Variants in NFIA observed in about 807,000 individuals in gnomAD.
NFIA encodes the protein nuclear factor 1 A-type.
NFIA carries 8 observed loss-of-function variants against 62.8 expected under a neutral mutation model. That is an observed-to-expected ratio of 0.13 (90% CI 0.07 to 0.23). The LOEUF (loss-of-function observed/expected upper bound fraction) is 0.23, where lower values mean the gene tolerates loss of function less well. NFIA is among the 10% of genes least tolerant of loss of function. The probability of loss-of-function intolerance (pLI) is 1.00; values close to 1 mark genes in which losing one functional copy is unlikely to be tolerated. For synonymous variants in NFIA, 235 were observed against 238.1 expected, an observed-to-expected ratio of 0.99 and a Z score of 0.12; for missense variants, 410 against 642.1, an observed-to-expected ratio of 0.64 and a Z score of 3.91.
intron 2 of NFIA, among the ~76,000 whole-genome samples, chr1:61,186,288 C>CTCAGTATCTCG: frequency 6.6e-6 from 1 of 152,122 alleles, no homozygotes; most frequent in East Asian, 1.9e-4. Context: ...CACTCAGAAC[C>CTCAGTATCTCG]TCTGTAAAAG....
At chr1:61,330,927 G>A (rs1661267135) in intron 3 of NFIA, among the ~76,000 whole-genome samples, 1 of 152,168 alleles carries the variant, frequency 6.6e-6, no homozygotes, top group Non-Finnish European at 1.5e-5. Flanking sequence ...TGGGATAAAT[G>A]TAATGTTGAT....
At chr1:61,105,992 G>C (rs960592780) in intron 2 of NFIA, among the ~76,000 whole-genome samples, 2 of 151,458 alleles carry the variant, frequency 1.3e-5, no homozygotes, top group African/African-American at 4.8e-5. Context: ...ATTATTTGTA[G>C]AATCTCGGTT....
intron 3 of NFIA, among the ~76,000 whole-genome samples, chr1:61,281,131 C>A (rs1452235973): frequency 6.6e-6 from 1 of 151,526 alleles, no homozygotes; most frequent in African/African-American, 2.4e-5. Flanking sequence ...TACCACTACT[C>A]GGGAGGCTGA....
intron 3 of NFIA, among the ~76,000 whole-genome samples, chr1:61,315,662 A>G (rs1434792336): frequency 6.6e-6 from 1 of 152,200 alleles, no homozygotes; most frequent in African/African-American, 2.4e-5. Flanking sequence ...CTGAACAAGC[A>G]GTTGAAACAA....
At chr1:61,272,001 G>A (rs757434021) in intron 2 of NFIA, among the ~76,000 whole-genome samples, 2 of 152,042 alleles carry the variant, frequency 1.3e-5, no homozygotes, top group Non-Finnish European at 2.9e-5. Context: ...TTCATTAAGC[G>A]GGCCACAGTT....
At chr1:61,404,718 A>G (rs773575384) in intron 8 of NFIA, among the ~76,000 whole-genome samples, 1 of 152,350 alleles carries the variant, frequency 6.6e-6, no homozygotes, top group South Asian at 2.1e-4. Context: ...TTTGAAAAAT[A>G]CAGTCTTGTA....
rs532758912 is a variant in NFIA, at chr1:61,216,893, G to A, written c.560-60627G>A. Among the ~76,000 whole-genome samples, 43 of 151,828 alleles carry A rather than the reference G, an allele frequency of 2.8e-4. 1 individual carries two copies. The East Asian group carries it at 8.1e-3, about 28-fold the overall frequency. On this transcript the variant is annotated intron_variant, in intron 2 of 10. Coordinates refer to ENST00000403491, the MANE Select transcript of NFIA (RefSeq NM_001134673.4). ...TGGGTGCCTGTAATCCCAGCTACCC[G>A]GGAGGCTGAGGCAGGAGAATCGCTT...
chr1:61,184,672 C>G (rs1210135487), intron 2 of NFIA, among the ~76,000 whole-genome samples: 1 of 152,184 alleles, frequency 6.6e-6, no homozygotes, highest in East Asian at 1.9e-4. Flanking sequence ...CAAAATTCAA[C>G]AAAATAACAC....
chr1:61,086,109 A>C (rs555891668), intron 1 of NFIA, among the ~76,000 whole-genome samples: 37 of 152,266 alleles, frequency 2.4e-4, no homozygotes, highest in African/African-American at 7.7e-4. Context: ...AATGGGGATG[A>C]AACTTTAAAA....
At chr1:61,441,976 T>C (rs1292470819) in intron 10 of NFIA, among the ~76,000 whole-genome samples, 1 of 150,620 alleles carries the variant, frequency 6.6e-6, no homozygotes, top group East Asian at 1.9e-4. Context: ...GGGTCTTGCA[T>C]TGCAGTGACC....
At chr1:61,363,986 G>A (rs554139212) in intron 6 of NFIA, among the ~76,000 whole-genome samples, 52 of 141,498 alleles carry the variant, frequency 3.7e-4, no homozygotes, top group South Asian at 8.9e-4. Context: ...TTGCTCTATC[G>A]CCCAGGCTGG....
At chr1:61,450,940 T>G (rs1294701283) in intron 10 of NFIA, among the ~76,000 whole-genome samples, 1 of 152,190 alleles carries the variant, frequency 6.6e-6, no homozygotes, top group East Asian at 1.9e-4. Flanking sequence ...GTAAAAAGCC[T>G]TTTAAAAAGT....
chr1:61,326,849 CA>C lies in NFIA; in HGVS notation c.626-5662del, dbSNP rs1054754226. Among the ~76,000 whole-genome samples the C allele has an allele frequency of 7.9e-5, 12 of 151,946 alleles. 1 individual carries two copies. The highest frequency in any genetic ancestry group is 2.9e-4 in the African/African-American group (12 of 41,476). On this transcript the variant is annotated intron_variant, in intron 3 of 10. Coordinates refer to ENST00000403491, the MANE Select transcript of NFIA (RefSeq NM_001134673.4). Reference sequence around the variant, plus strand: ...ATGTTTCAGGAAGAAGGAGCTGTATCAGGGGATGGCAGTGAAGCAGTGCAAC... The same window carrying C: ...ATGTTTCAGGAAGAAGGAGCTGTATCGGGGATGGCAGTGAAGCAGTGCAAC...
At chr1:61,452,936 A>C (rs1159042656) in intron 10 of NFIA, among the ~76,000 whole-genome samples, 1 of 152,126 alleles carries the variant, frequency 6.6e-6, no homozygotes, top group Non-Finnish European at 1.5e-5. Context: ...ATAGGGCAAA[A>C]AGAAAAAGAG....
At chr1:61,255,625 C>G (rs116586735) in intron 2 of NFIA, among the ~76,000 whole-genome samples, 80 of 152,194 alleles carry the variant, frequency 5.3e-4, no homozygotes, top group African/African-American at 1.9e-3. Flanking sequence ...GTGGGAGACT[C>G]AAAATCTTTT....
rs75761324 is a variant in NFIA, at chr1:61,287,658, C to T, written c.625+10073C>T. Among the ~76,000 whole-genome samples, 12 of 151,574 alleles carry T rather than the reference C, an allele frequency of 7.9e-5. No individual in the cohort carries two copies. The East Asian group carries it at 2.1e-3, about 27-fold the overall frequency. ...GTGACAGAGCAAGACTGTCCCCAAC[C>T]CCCCCCAAAAAAAACAAGATGCCAA... is the stretch of plus-strand genomic sequence containing the variant. On this transcript the variant is annotated intron_variant, in intron 3 of 10. Transcript: ENST00000403491.
At chr1:61,393,290 T>TCC (rs1553181535) in intron 7 of NFIA, among the ~76,000 whole-genome samples, 1 of 63,590 alleles carries the variant, frequency 1.6e-5, no homozygotes. Flanking sequence ...TCTCTCTCTC[T>TCC]CCCTCTTTCT....
chr1:61,216,313 C>G (rs1653621497), intron 2 of NFIA, among the ~76,000 whole-genome samples: 1 of 151,968 alleles, frequency 6.6e-6, no homozygotes, highest in Non-Finnish European at 1.5e-5. Flanking sequence ...ATGCCCAACC[C>G]AGTACTGTGG....
At chr1:61,265,908 G>A (rs757262038) in intron 2 of NFIA, among the ~76,000 whole-genome samples, 1 of 152,230 alleles carries the variant, frequency 6.6e-6, no homozygotes, top group Non-Finnish European at 1.5e-5. Flanking sequence ...ATAAGACACA[G>A]TTTATGACTT....
Sources: allele counts gnomAD v4.1 joint callset (sites outside exome capture counted in the v4.1 genomes callset), GRCh38; gene constraint gnomAD v4.1.1; transcripts MANE v1.5; gene names NCBI Gene and HGNC (gene_info 2026-07-23, HGNC 2026-07-21).